Variants in MAPK8IP3 observed in about 807,000 individuals in gnomAD.
MAPK8IP3 encodes C-Jun-amino-terminal kinase-interacting protein 3.
MAPK8IP3 carries 49 observed loss-of-function variants against 157.8 expected under a neutral mutation model. That is an observed-to-expected ratio of 0.31 (90% CI 0.25 to 0.39). The LOEUF is 0.39. Among genes scored for constraint, MAPK8IP3 ranks in the 10% least tolerant of loss-of-function variants. The pLI, the probability that MAPK8IP3 is intolerant of heterozygous loss-of-function variation, is 1.00. For missense variants in MAPK8IP3, 1,478 were observed against 1,889.4 expected (o/e 0.78, Z 4.04); for synonymous variants, 897 against 777.7 (o/e 1.15, Z -2.55).
chr16:1,750,971 A>G (rs891924742), intron 8 of MAPK8IP3, among the ~76,000 whole-genome samples: 38 of 152,096 alleles, frequency 2.5e-4, no homozygotes, highest in Non-Finnish European at 1.0e-4. Context: ...GGTGACACCT[A>G]CCAGACACCA....
intron 4 of MAPK8IP3, among the ~76,000 whole-genome samples, chr16:1,736,791 ACCGT>A (rs1262357475): frequency 4.0e-5 from 2 of 49,428 alleles, no homozygotes; most frequent in Non-Finnish European, 6.7e-5. Flanking sequence ...TCCGTGTGTG[ACCGT>A]CCGTGTGAGC....
intron 17 of MAPK8IP3, 97 bp from the exon 18 acceptor site, chr16:1,764,018 G>C (rs2974846): frequency 0.27 from 346,645 of 1,267,594 alleles, 50,006 homozygotes; most frequent in African/African-American, 0.44. Context: ...TGAAGTGGCT[G>C]TGCCGCCAGA....
intron 4 of MAPK8IP3, among the ~76,000 whole-genome samples, chr16:1,733,955 G>A (rs1438645661): frequency 1.3e-5 from 2 of 152,258 alleles, no homozygotes; most frequent in African/African-American, 4.8e-5. Context: ...AGCAACGCCA[G>A]CAGCAGTGGC....
At chr16:1,715,838 G>C (rs2038111598) in intron 1 of MAPK8IP3, among the ~76,000 whole-genome samples, 1 of 151,590 alleles carries the variant, frequency 6.6e-6, no homozygotes, top group Non-Finnish European at 1.5e-5. Flanking sequence ...AAGCGATTCT[G>C]CCTCAGCCTC....
intron 2 of MAPK8IP3, among the ~76,000 whole-genome samples, chr16:1,725,268 G>A (rs909767627): frequency 1.3e-4 from 20 of 151,202 alleles, no homozygotes; most frequent in African/African-American, 1.9e-4. Flanking sequence ...GATGGCATGC[G>A]CCTGTGGTCT....
chr16:1,736,993 TGAGCGTGTGACCGTCCGTGTGA>T (rs2141796749), intron 4 of MAPK8IP3, among the ~76,000 whole-genome samples: 2 of 76,734 alleles, frequency 2.6e-5, no homozygotes, highest in African/African-American at 1.0e-4. Context: ...AGCATCCGTG[TGAGCGTGTGACCGTCCGTGTGA>T]GAGTGTGACC....
Position 1,768,116 on chromosome 16 carries a change from A to C in MAPK8IP3, c.3562+9A>C. 1 of 1,612,138 alleles carries C rather than the reference A, an allele frequency of 6.2e-7. No homozygotes were observed. The highest frequency in any genetic ancestry group is 8.5e-7 in the Non-Finnish European group (1 of 1,179,946). On this transcript the variant is annotated intron_variant, in intron 29 of 31. Transcript: ENST00000610761. ...GCTCCTGGGGCTCCGAGGTAAGCCC[A>C]GCCACCTCGTGTCCCCTCACGGGAG...
rs577773868 is a variant in MAPK8IP3, at chr16:1,721,838, C to T, written c.319-2719C>T. Among the ~76,000 whole-genome samples the T allele has an allele frequency of 5.3e-5, 8 of 152,264 alleles. No individual in the cohort carries two copies. The East Asian group carries it at 1.5e-3, about 29-fold the overall frequency. ...AGGCTGGAGTGCAGTGGCGTGATCT[C>T]AGCTCCCTGCAACCTCCGCCTCCCG... On this transcript the variant is annotated intron_variant, in intron 1 of 31. Coordinates refer to ENST00000610761, the MANE Select transcript of MAPK8IP3 (RefSeq NM_001318852.2).
At position 1,765,189 on chromosome 16, in the gene MAPK8IP3, G is replaced by A. The variant is rs779086542; in HGVS notation, c.2446+11G>A. 2.5e-6 allele frequency: 4 copies of A among 1,583,614 alleles called. No homozygotes were observed. Among genetic ancestry groups the A allele is most frequent in the Non-Finnish European group, 3.5e-6 (4 of 1,157,362 alleles). On this transcript the variant is annotated intron_variant, in intron 20 of 31. Coordinates refer to ENST00000610761, the MANE Select transcript of MAPK8IP3 (RefSeq NM_001318852.2). ...TCTCCAGCATCCCCGGTGAGCAGCT[G>A]GAGTGGGCGTTTCCACTCGGGCGCC...
intron 8 of MAPK8IP3, among the ~76,000 whole-genome samples, chr16:1,756,860 A>G (rs1228666116): frequency 2.0e-5 from 3 of 152,106 alleles, no homozygotes; most frequent in Non-Finnish European, 4.4e-5. Flanking sequence ...TCAGCACAGG[A>G]AAGTCCCATA....
At chr16:1,729,638 A>ACGCGGGG (rs2039159495) in intron 4 of MAPK8IP3, 60 bp downstream of exon 4, 1 of 1,462,038 alleles carries the variant, frequency 6.8e-7, no homozygotes, top group South Asian at 1.2e-5. Context: ...GGTACGCAGG[A>ACGCGGGG]CGCGGCACAT....
intron 8 of MAPK8IP3, among the ~76,000 whole-genome samples, chr16:1,750,307 G>C (rs1429746033): frequency 6.6e-6 from 1 of 152,020 alleles, no homozygotes; most frequent in African/African-American, 2.4e-5. Flanking sequence ...CCGCCTCCCA[G>C]GTTCAAGCAA....
intron 4 of MAPK8IP3, among the ~76,000 whole-genome samples, chr16:1,731,984 C>T (rs8048913): frequency 3.5e-4 from 53 of 152,244 alleles, no homozygotes; most frequent in East Asian, 7.7e-4. Flanking sequence ...CTCAGAGAGT[C>T]GGGGGAGCCT....
At chr16:1,740,527 G>A (rs1028253313) in intron 4 of MAPK8IP3, among the ~76,000 whole-genome samples, 3 of 152,120 alleles carry the variant, frequency 2.0e-5, no homozygotes, top group African/African-American at 4.8e-5. Context: ...TGTGGCCCAC[G>A]CCCTCTAACA....
At chr16:1,754,773 A>G (rs1453424709) in intron 8 of MAPK8IP3, among the ~76,000 whole-genome samples, 1 of 143,358 alleles carries the variant, frequency 7.0e-6, no homozygotes, top group African/African-American at 2.9e-5. Context: ...AAAAAAAAAA[A>G]GAAGAAGAAA....
intron 6 of MAPK8IP3, among the ~76,000 whole-genome samples, chr16:1,747,863 A>G (rs1488603722): frequency 1.3e-5 from 2 of 152,242 alleles, no homozygotes; most frequent in East Asian, 1.9e-4. Context: ...CCCATGGCAC[A>G]CAGCCCCACT....
At chr16:1,765,738 C>A (rs1266444445) in intron 20 of MAPK8IP3, among the ~76,000 whole-genome samples, 1 of 152,192 alleles carries the variant, frequency 6.6e-6, no homozygotes, top group Non-Finnish European at 1.5e-5. Flanking sequence ...CTACTCAGCT[C>A]CCCTTGGCCC....
intron 8 of MAPK8IP3, among the ~76,000 whole-genome samples, chr16:1,755,042 G>A (rs368837452): frequency 3.3e-5 from 5 of 152,196 alleles, no homozygotes; most frequent in East Asian, 3.9e-4. Flanking sequence ...ATCCAGTAGA[G>A]GAAACATGTG....
chr16:1,729,694 C>A, intron 4 of MAPK8IP3, 116 bp downstream of exon 4: 1 of 958,810 alleles, frequency 1.0e-6, no homozygotes, highest in South Asian at 1.5e-5. Context: ...GGGCTCAGGA[C>A]GACAGGGAAC....
Sources: allele counts gnomAD v4.1 joint callset (sites outside exome capture counted in the v4.1 genomes callset), GRCh38; gene constraint gnomAD v4.1.1; transcripts MANE v1.5; gene names NCBI Gene and HGNC (gene_info 2026-07-23, HGNC 2026-07-21).